The following RAVER2 variants were observed in gnomAD, a reference collection of about 807,000 sequenced individuals.
RAVER2 encodes ribonucleoprotein PTB-binding 2.
A neutral mutation model predicts 78.1 loss-of-function variants in RAVER2; 46 were observed. The observed-to-expected ratio is 0.59, with a 90% CI of 0.46 to 0.75. The LOEUF is 0.75. Among genes scored for constraint, RAVER2 ranks in the 30% least tolerant of loss-of-function variants. The pLI is 0.00. For missense variants in RAVER2, 793 were observed against 837.5 expected, an observed-to-expected ratio of 0.95 and a Z score of 0.66; for synonymous variants, 311 against 313.3, an observed-to-expected ratio of 0.99 and a Z score of 0.08.
At chr1:64,805,188 T>G in intron 8 of RAVER2, 83 bp downstream of exon 8, 1 of 1,278,240 alleles carries the variant, frequency 7.8e-7, no homozygotes. Flanking sequence ...CTAATTTTAT[T>G]TACAGGGAGG....
intron 11 of RAVER2, among the ~76,000 whole-genome samples, chr1:64,827,461 A>T (rs965967447): frequency 6.6e-6 from 1 of 152,196 alleles, no homozygotes; most frequent in Admixed American, 6.5e-5. Context: ...ACAGAATGGA[A>T]CCACTGGGTG....
At chr1:64,754,516 T>G (rs1651795958) in intron 1 of RAVER2, among the ~76,000 whole-genome samples, 1 of 152,192 alleles carries the variant, frequency 6.6e-6, no homozygotes, top group Non-Finnish European at 1.5e-5. Flanking sequence ...TTAATAAATT[T>G]TGCAATGTAC....
rs550803547 is a variant in RAVER2, at chr1:64,791,895, A to T, written c.1105+2381A>T. 1.5e-4 allele frequency among the ~76,000 whole-genome samples: 23 copies of T among 152,316 alleles called. No homozygotes were observed. In the East Asian group the frequency reaches 4.4e-3, roughly 29 times the overall value. ...AGCCTCCTAATATTTGAAGACAACTACCATGAAACCTCAGTCATTTTTTAT... is the reference window on the plus strand; with the variant it reads ...AGCCTCCTAATATTTGAAGACAACTTCCATGAAACCTCAGTCATTTTTTAT... On this transcript the variant is annotated intron_variant, in intron 5 of 11. Transcript: ENST00000294428.
chr1:64,817,388 C>G (rs1033667820), intron 11 of RAVER2, among the ~76,000 whole-genome samples: 55 of 152,278 alleles, frequency 3.6e-4, no homozygotes, highest in African/African-American at 1.3e-3. Context: ...TTTGACCCAG[C>G]CATCCCATTA....
intron 2 of RAVER2, among the ~76,000 whole-genome samples, chr1:64,776,132 A>T (rs1415649374): frequency 1.3e-5 from 2 of 152,170 alleles, no homozygotes; most frequent in African/African-American, 2.4e-5. Context: ...TGATACGAGA[A>T]TATAACCAGT....
At chr1:64,746,802 C>G (rs1182356417) in intron 1 of RAVER2, among the ~76,000 whole-genome samples, 1 of 152,170 alleles carries the variant, frequency 6.6e-6, no homozygotes, top group Non-Finnish European at 1.5e-5. Flanking sequence ...GAAGCAGCCT[C>G]CCCTGCCCAT....
At chr1:64,772,485 T>C (rs1034438130) in intron 2 of RAVER2, among the ~76,000 whole-genome samples, 4 of 152,224 alleles carry the variant, frequency 2.6e-5, no homozygotes, top group South Asian at 4.2e-4. Flanking sequence ...GCTCACAGTT[T>C]AGTAGGGTAG....
At chr1:64,748,940 C>T (rs764091455) in intron 1 of RAVER2, among the ~76,000 whole-genome samples, 5 of 152,094 alleles carry the variant, frequency 3.3e-5, no homozygotes, top group African/African-American at 4.8e-5. Context: ...CAGGCTGAAG[C>T]GATTCTCTCA....
intron 1 of RAVER2, among the ~76,000 whole-genome samples, chr1:64,757,779 GCA>G (rs1222835158): frequency 1.3e-5 from 2 of 152,086 alleles, no homozygotes; most frequent in South Asian, 2.1e-4. Context: ...GTGTGTATAT[GCA>G]CACACACAAA....
chr1:64,770,787 C>T (rs1026587660), intron 2 of RAVER2, among the ~76,000 whole-genome samples: 2 of 151,860 alleles, frequency 1.3e-5, no homozygotes, highest in African/African-American at 4.8e-5. Flanking sequence ...AAAATTACAA[C>T]ATCTGACATG....
At chr1:64,779,066 C>T (rs1652554823) in intron 3 of RAVER2, among the ~76,000 whole-genome samples, 1 of 150,462 alleles carries the variant, frequency 6.6e-6, no homozygotes, top group South Asian at 2.1e-4. Flanking sequence ...AGTATATATA[C>T]ATTGTAGAAT....
chr1:64,814,892 T>C, intron 11 of RAVER2, 52 bp downstream of exon 11: 1 of 1,390,864 alleles, frequency 7.2e-7, no homozygotes, highest in Non-Finnish European at 9.5e-7. Flanking sequence ...TTCAACTATA[T>C]ATTGAGTTCA....
chr1:64,756,258 T>A (rs1389232754), intron 1 of RAVER2, among the ~76,000 whole-genome samples: 1 of 152,154 alleles, frequency 6.6e-6, no homozygotes, highest in Non-Finnish European at 1.5e-5. Context: ...ATTAAAGTGG[T>A]ATCTGCCAGG....
At chr1:64,784,174 A>G (rs1476747642) in intron 4 of RAVER2, among the ~76,000 whole-genome samples, 2 of 152,200 alleles carry the variant, frequency 1.3e-5, no homozygotes, top group African/African-American at 4.8e-5. Context: ...GTTTGAGCCC[A>G]GGAACTCGAG....
chr1:64,762,355 T>G (rs974264488), intron 1 of RAVER2, among the ~76,000 whole-genome samples: 6 of 151,806 alleles, frequency 4.0e-5, no homozygotes, highest in Non-Finnish European at 7.4e-5. Context: ...CAAACTGATC[T>G]ATAGTGTCAA....
intron 11 of RAVER2, chr1:64,815,125 A>G (rs947216435): frequency 5.2e-6 from 1 of 193,212 alleles, no homozygotes; most frequent in Non-Finnish European, 1.1e-5. Flanking sequence ...ATAAATTTGT[A>G]TTGTAATACA....
Position 64,775,788 on chromosome 1 carries a change from G to T in RAVER2, c.317-1835G>T, listed in dbSNP as rs141771727. Among the ~76,000 whole-genome samples, 1,492 of 152,234 alleles carry T rather than the reference G, an allele frequency of 9.8e-3. 12 individuals carry two copies. Among genetic ancestry groups the T allele is most frequent in the Middle Eastern group, 0.041 (12 of 294 alleles). On this transcript the variant is annotated intron_variant, in intron 2 of 11. Transcript: ENST00000294428. ...AATCCCAGCACTTTGGGAGGTTGAGGTTGGTGGATCACTTGAGGTCAGGAG... is the reference window on the plus strand; with the variant it reads ...AATCCCAGCACTTTGGGAGGTTGAGTTTGGTGGATCACTTGAGGTCAGGAG...
chr1:64,827,510 A>G (rs1458963123), intron 11 of RAVER2, among the ~76,000 whole-genome samples: 1 of 152,242 alleles, frequency 6.6e-6, no homozygotes, highest in East Asian at 1.9e-4. Flanking sequence ...ACCCTAAAAA[A>G]GACCCTGCTA....
At chr1:64,761,329 C>T (rs544954290) in intron 1 of RAVER2, among the ~76,000 whole-genome samples, 16 of 152,168 alleles carry the variant, frequency 1.1e-4, no homozygotes, top group African/African-American at 2.4e-4. Flanking sequence ...TGCGTTGGGC[C>T]CCCCCCAAAA....
Sources: gnomAD v4.1 joint callset for allele counts (sites outside exome capture counted in the v4.1 genomes callset) on GRCh38, gnomAD v4.1.1 for gene constraint, MANE v1.5 for transcripts, NCBI Gene and HGNC (gene_info 2026-07-23, HGNC 2026-07-21) for gene names.